Variants in CCBE1 observed in about 807,000 individuals in gnomAD.
The protein encoded by CCBE1 is collagen and calcium-binding EGF domain-containing protein 1.
A neutral mutation model predicts 50.0 loss-of-function variants in CCBE1; 37 were observed. The ratio of observed to expected loss-of-function variants is 0.74; its 90% CI spans 0.57 to 0.97. The LOEUF is 0.97. CCBE1 is among the 50% of genes least tolerant of loss of function. The pLI is 0.00. For synonymous variants in CCBE1, 234 were observed against 203.7 expected (o/e 1.15, Z -1.27); for missense variants, 538 against 523.8 (o/e 1.03, Z -0.26).
At chr18:59,657,824 G>T (rs570884476) in intron 2 of CCBE1, among the ~76,000 whole-genome samples, 89 of 152,294 alleles carry the variant, frequency 5.8e-4, no homozygotes, top group Middle Eastern at 3.4e-3. Flanking sequence ...CCGGGAGGTG[G>T]AGGTTGCAGT....
At chr18:59,634,761 A>T (rs1201766131) in intron 2 of CCBE1, among the ~76,000 whole-genome samples, 2 of 152,254 alleles carry the variant, frequency 1.3e-5, no homozygotes, top group African/African-American at 4.8e-5. Context: ...AAAAAGAAAC[A>T]ATTTCTACAT....
intron 2 of CCBE1, among the ~76,000 whole-genome samples, chr18:59,580,053 T>G (rs903632730): frequency 3.9e-5 from 6 of 152,138 alleles, no homozygotes; most frequent in African/African-American, 1.4e-4. Flanking sequence ...GGGAAAAGTT[T>G]GGGTCTAAGG....
intron 2 of CCBE1, among the ~76,000 whole-genome samples, chr18:59,646,999 G>C (rs542449622): frequency 1.3e-5 from 2 of 152,294 alleles, no homozygotes; most frequent in South Asian, 4.1e-4. Flanking sequence ...ATCTTTCCGT[G>C]GGCCTAAGGA....
At chr18:59,639,469 A>G (rs1308620333) in intron 2 of CCBE1, among the ~76,000 whole-genome samples, 1 of 152,220 alleles carries the variant, frequency 6.6e-6, no homozygotes, top group Non-Finnish European at 1.5e-5. Context: ...AAAATCAACA[A>G]ATTAGGCATT....
At chr18:59,691,388 C>T (rs1035183347) in intron 2 of CCBE1, among the ~76,000 whole-genome samples, 6 of 116,036 alleles carry the variant, frequency 5.2e-5, no homozygotes, top group African/African-American at 9.0e-5. Flanking sequence ...CTGCTCTCTT[C>T]TTCACAAGAT....
chr18:59,544,578 C>T (rs1446089328), intron 2 of CCBE1, among the ~76,000 whole-genome samples: 3 of 152,278 alleles, frequency 2.0e-5, no homozygotes, highest in East Asian at 1.9e-4. Context: ...CTTTCCCTTT[C>T]GAGGTCCTCT....
intron 2 of CCBE1, among the ~76,000 whole-genome samples, chr18:59,678,040 C>T (rs541678975): frequency 1.5e-3 from 230 of 152,126 alleles, no homozygotes; most frequent in African/African-American, 5.0e-3. Context: ...ACAACCATAC[C>T]GGGGGATGCA....
At chr18:59,645,574 A>G (rs183475131) in intron 2 of CCBE1, among the ~76,000 whole-genome samples, 1 of 152,230 alleles carries the variant, frequency 6.6e-6, no homozygotes. Context: ...AGAAACCTAC[A>G]TTAAGATGTT....
chr18:59,695,800 T>C (rs2054796747), intron 2 of CCBE1, among the ~76,000 whole-genome samples: 1 of 152,210 alleles, frequency 6.6e-6, no homozygotes. Flanking sequence ...TGTGGGCATA[T>C]GATCACATTA....
intron 2 of CCBE1, among the ~76,000 whole-genome samples, chr18:59,545,869 A>T (rs1915661677): frequency 6.6e-6 from 1 of 151,724 alleles, no homozygotes; most frequent in African/African-American, 2.4e-5. Flanking sequence ...GATTCTGAGG[A>T]CTCCCCAGCC....
intron 2 of CCBE1, among the ~76,000 whole-genome samples, chr18:59,633,770 T>C (rs1167247987): frequency 6.6e-6 from 1 of 152,106 alleles, no homozygotes; most frequent in Non-Finnish European, 1.5e-5. Flanking sequence ...CATAAAATTT[T>C]ATACTGAAAT....
intron 2 of CCBE1, among the ~76,000 whole-genome samples, chr18:59,694,483 G>A (rs553535121): frequency 2.0e-5 from 3 of 152,198 alleles, no homozygotes; most frequent in African/African-American, 7.2e-5. Flanking sequence ...GTCTAAATAG[G>A]TCTGCATGCG....
At chr18:59,658,345 AAAAAAAAAAATATATATATATATATAT>A (rs2054222729) in intron 2 of CCBE1, among the ~76,000 whole-genome samples, 4 of 39,840 alleles carry the variant, frequency 1.0e-4, no homozygotes, top group Non-Finnish European at 1.7e-4. Context: ...AAAAAAAAAA[AAAAAAAAAAATATATATATATATATAT>A]ATATATATAT....
chr18:59,564,485 C>T (rs568781353), intron 2 of CCBE1, among the ~76,000 whole-genome samples: 7 of 152,122 alleles, frequency 4.6e-5, no homozygotes, highest in African/African-American at 7.2e-5. Flanking sequence ...GTCATTAAAC[C>T]ATTTCTATAC....
intron 2 of CCBE1, among the ~76,000 whole-genome samples, chr18:59,681,566 T>G (rs1332997001): frequency 6.6e-6 from 1 of 152,198 alleles, no homozygotes; most frequent in African/African-American, 2.4e-5. Flanking sequence ...TCTGCTATCC[T>G]ATGGCACAGC....
At chr18:59,564,433 T>C (rs538580343) in intron 2 of CCBE1, among the ~76,000 whole-genome samples, 4 of 152,362 alleles carry the variant, frequency 2.6e-5, no homozygotes, top group African/African-American at 9.6e-5. Context: ...CCATTGTCAG[T>C]ACATAGAGCT....
chr18:59,667,970 C>A (rs923596013), intron 2 of CCBE1, among the ~76,000 whole-genome samples: 1 of 151,976 alleles, frequency 6.6e-6, no homozygotes, highest in Non-Finnish European at 1.5e-5. Context: ...ACACCGGGAC[C>A]TATCGAGGGG....
chr18:59,478,103 C>G (rs1020415982), intron 3 of CCBE1, among the ~76,000 whole-genome samples: 4 of 152,148 alleles, frequency 2.6e-5, no homozygotes, highest in Admixed American at 2.6e-4. Context: ...CCACACCCCA[C>G]CAATCTAAGG....
chr18:59,667,825 G>A (rs17698420), intron 2 of CCBE1, among the ~76,000 whole-genome samples: 43,666 of 151,974 alleles, frequency 0.29, 6,566 homozygotes, highest in Non-Finnish European at 0.34. Flanking sequence ...CACAAGAAAC[G>A]GTAATTTTCC....
Sources: allele counts gnomAD v4.1 joint callset (sites outside exome capture counted in the v4.1 genomes callset), GRCh38; gene constraint gnomAD v4.1.1; transcripts MANE v1.5; gene names NCBI Gene and HGNC (gene_info 2026-07-23, HGNC 2026-07-21).